Variants in HIVEP2 observed in about 807,000 individuals in gnomAD.
HIVEP2 encodes HIVEP zinc finger 2.
A neutral mutation model predicts 180.7 loss-of-function variants in HIVEP2; 14 were observed. That is an observed-to-expected ratio of 0.08 (90% CI 0.05 to 0.12). The LOEUF is 0.12. HIVEP2 is among the 10% of genes least tolerant of loss of function. The pLI is 1.00. For missense variants in HIVEP2, 2,579 were observed against 3,008.5 expected (o/e 0.86, Z 3.34); for synonymous variants, 1,184 against 1,136.4 (o/e 1.04, Z -0.84).
At chr6:142,901,061 C>T (rs977470237) in intron 1 of HIVEP2, among the ~76,000 whole-genome samples, 6 of 152,154 alleles carry the variant, frequency 3.9e-5, no homozygotes, top group South Asian at 4.1e-4. Context: ...TCGTATTCTG[C>T]GTGAACTCTA....
At chr6:142,920,902 G>C (rs1027978226) in intron 1 of HIVEP2, among the ~76,000 whole-genome samples, 13 of 152,186 alleles carry the variant, frequency 8.5e-5, no homozygotes, top group Admixed American at 1.3e-4. Flanking sequence ...AGGATCCTGT[G>C]AGCCCAGGAG....
At chr6:142,825,528 T>C (rs1314081917) in intron 2 of HIVEP2, among the ~76,000 whole-genome samples, 1 of 152,104 alleles carries the variant, frequency 6.6e-6, no homozygotes, top group Admixed American at 6.5e-5. Context: ...AATTTAGAAA[T>C]CTCTTATTAA....
chr6:142,858,894 C>G (rs894968055), intron 1 of HIVEP2, among the ~76,000 whole-genome samples: 1 of 151,980 alleles, frequency 6.6e-6, no homozygotes, highest in African/African-American at 2.4e-5. Flanking sequence ...CTGCCCAGCC[C>G]TCTCACCTGA....
chr6:142,930,356 T>C (rs1418028119), intron 1 of HIVEP2, among the ~76,000 whole-genome samples: 1 of 152,244 alleles, frequency 6.6e-6, no homozygotes, highest in Non-Finnish European at 1.5e-5. Flanking sequence ...CTTTGGTTCC[T>C]ATAGAACCCT....
At chr6:142,841,736 A>T (rs969683880) in intron 1 of HIVEP2, among the ~76,000 whole-genome samples, 7 of 152,108 alleles carry the variant, frequency 4.6e-5, no homozygotes, top group African/African-American at 1.4e-4. Flanking sequence ...TCCCATGTTT[A>T]AAAAAATTGC....
At position 142,770,376 on chromosome 6, in the gene HIVEP2, T is replaced by G; in HGVS notation, c.4363A>C (p.Lys1455Gln). The G allele has an allele frequency of 6.2e-7, 1 of 1,614,170 alleles. No individual in the cohort carries two copies. The highest frequency in any genetic ancestry group is 8.5e-7 in the Non-Finnish European group (1 of 1,180,040). The stretch of plus-strand genomic sequence containing the variant: ...TCTTCTTTGACCCTTTTCTGCTGCT[T>G]GGTTTCCATGAAGAGCTCCAAGCTA... ...ASSLELFMET[K>Q]QQKRVKEEKM... The change falls in exon 5 of 10, where the codon AAG becomes CAG. Residue 1455 changes from lysine (K) to glutamine (Q), a missense_variant. Around this residue, in one of 11 missense-constraint regions of HIVEP2, gnomAD observed 29 missense variants for 64.7 expected, o/e 0.45. Coordinates refer to ENST00000367603, the MANE Select transcript of HIVEP2 (RefSeq NM_006734.4). This position sits in a 1 kb window ranked among gnomAD's most constrained non-coding sequence, Gnocchi z 4.7.
intron 1 of HIVEP2, among the ~76,000 whole-genome samples, chr6:142,918,814 G>A (rs915752538): frequency 1.3e-5 from 2 of 152,058 alleles, no homozygotes; most frequent in Non-Finnish European, 2.9e-5. Context: ...ACAAACACAG[G>A]TTCCAGTAAT....
intron 1 of HIVEP2, among the ~76,000 whole-genome samples, chr6:142,841,003 A>T (rs1775346154): frequency 6.6e-6 from 1 of 152,018 alleles, no homozygotes; most frequent in African/African-American, 2.4e-5. Flanking sequence ...TCTCTTATTT[A>T]AAAATTATTT....
intron 1 of HIVEP2, among the ~76,000 whole-genome samples, chr6:142,887,653 T>C (rs1776736202): frequency 6.6e-6 from 1 of 152,190 alleles, no homozygotes; most frequent in Non-Finnish European, 1.5e-5. Context: ...AAATTTACTA[T>C]CAACAGAACA....
At chr6:142,858,972 T>A (rs1775899651) in intron 1 of HIVEP2, among the ~76,000 whole-genome samples, 1 of 152,130 alleles carries the variant, frequency 6.6e-6, no homozygotes, top group Non-Finnish European at 1.5e-5. Context: ...ATGCCTTTTT[T>A]ATAAACCATA....
At chr6:142,780,822 A>G (rs1276806255) in intron 3 of HIVEP2, among the ~76,000 whole-genome samples, 2 of 152,222 alleles carry the variant, frequency 1.3e-5, no homozygotes, top group Non-Finnish European at 2.9e-5. Flanking sequence ...TAGGGTTTTC[A>G]AGATTAGATA....
At chr6:142,928,690 T>C (rs998358916) in intron 1 of HIVEP2, among the ~76,000 whole-genome samples, 1 of 152,210 alleles carries the variant, frequency 6.6e-6, no homozygotes, top group Non-Finnish European at 1.5e-5. Context: ...TTGCTTCACA[T>C]ATATATATTT....
At chr6:142,761,587 A>AG in intron 7 of HIVEP2, 22 bp from the exon 8 acceptor site, 1 of 1,314,742 alleles carries the variant, frequency 7.6e-7, no homozygotes, top group Non-Finnish European at 1.1e-6. Flanking sequence ...AGCAAAAAAA[A>AG]GAGAGAAATT....
rs1777932728 is a variant in HIVEP2 at position 142,931,049 on chromosome 6, A to C, written c.-641+14050T>G. On this transcript the variant is annotated intron_variant, in intron 1 of 9. Coordinates refer to ENST00000367603, the MANE Select transcript of HIVEP2 (RefSeq NM_006734.4). The stretch of plus-strand genomic sequence containing the variant: ...ATTATTAAATCTCAACTCTCTTCTA[A>C]TATATCACTTCTGCATATAGGTCTA... Among the ~76,000 whole-genome samples, 5 of 152,138 alleles carry C rather than the reference A, an allele frequency of 3.3e-5. No homozygotes were observed. In the South Asian group the frequency reaches 1.0e-3, roughly 32 times the overall value.
At chr6:142,867,950 C>T (rs762603060) in intron 1 of HIVEP2, among the ~76,000 whole-genome samples, 13 of 152,096 alleles carry the variant, frequency 8.5e-5, no homozygotes, top group African/African-American at 1.9e-4. Flanking sequence ...AACAGTCTCA[C>T]GGTCATCCAT....
chr6:142,794,096 A>G (rs1776225365), intron 2 of HIVEP2: 1 of 152,176 alleles, frequency 6.6e-6, no homozygotes, highest in Admixed American at 6.5e-5. Context: ...TTTTAAGCCT[A>G]TTCTATTCCC....
intron 1 of HIVEP2, among the ~76,000 whole-genome samples, chr6:142,921,049 A>C (rs1352072991): frequency 1.3e-5 from 2 of 152,172 alleles, no homozygotes; most frequent in Non-Finnish European, 2.9e-5. Flanking sequence ...CATTCAGCAA[A>C]AGTATACAGA....
chr6:142,764,625 A>G (rs1008664864), intron 7 of HIVEP2, among the ~76,000 whole-genome samples, 174 bp downstream of exon 7: 2 of 152,278 alleles, frequency 1.3e-5, no homozygotes, highest in Non-Finnish European at 2.9e-5. Flanking sequence ...GGAGCCTCAC[A>G]GTCTCACATA....
rs372218422 is a variant in HIVEP2 at position 142,772,407 on chromosome 6, G to T, written c.2332C>A (p.Pro778Thr). 16 of 1,614,100 alleles carry T rather than the reference G, an allele frequency of 9.9e-6. No homozygotes were observed. Among genetic ancestry groups the T allele is most frequent in the African/African-American group, 2.7e-5 (2 of 74,932 alleles). ...ATCTTGTCTGAATCAATGGCTGAAG[G>T]TGACTCCTCTGACACAAGAGATGGA... ...GSPSLVSEES[P>T]SAIDSDKMSD... Residue 778 changes from proline (P) to threonine (T), a missense_variant, in exon 5 of 10, where the codon CCT becomes ACT. Coordinates refer to ENST00000367603, the MANE Select transcript of HIVEP2 (RefSeq NM_006734.4). The surrounding 1 kb of genome is among the most constrained non-coding windows in gnomAD (Gnocchi z 4.9).
Sources: gnomAD v4.1 joint callset for allele counts (sites outside exome capture counted in the v4.1 genomes callset) on GRCh38, gnomAD v4.1.1 for gene constraint, gnomAD v4.1.1 regional missense constraint, Gnocchi (gnomAD v3.1) non-coding constraint, MANE v1.5 for transcripts, NCBI Gene and HGNC (gene_info 2026-07-23, HGNC 2026-07-21) for gene names.